Variants in TMPRSS4 observed in about 807,000 individuals in gnomAD.
TMPRSS4 encodes the protein transmembrane serine protease 4, also known as transmembrane protease serine 4.
In TMPRSS4, 45 loss-of-function variants were observed where a neutral mutation model predicts 56.4. That is an observed-to-expected ratio of 0.80 (90% confidence interval 0.63 to 1.02). The LOEUF is 1.02. TMPRSS4 is among the 50% of genes least tolerant of loss of function. The probability of loss-of-function intolerance (pLI) is 0.00; values close to 1 mark genes in which losing one functional copy is unlikely to be tolerated. For missense variants in TMPRSS4, 546 were observed against 556.7 expected, an observed-to-expected ratio of 0.98 and a Z score of 0.19; for synonymous variants, 205 against 211.0, an observed-to-expected ratio of 0.97 and a Z score of 0.25.
At chr11:118,093,311 G>GA (rs1016079054) in intron 1 of TMPRSS4, among the ~76,000 whole-genome samples, 9 of 152,312 alleles carry the variant, frequency 5.9e-5, no homozygotes, top group African/African-American at 1.9e-4. Context: ...AAGAGGAACA[G>GA]AAAAAATTTC....
At chr11:118,091,848 A>G (rs1455550467) in intron 1 of TMPRSS4, among the ~76,000 whole-genome samples, 2 of 152,148 alleles carry the variant, frequency 1.3e-5, no homozygotes, top group Admixed American at 1.3e-4. Context: ...AACAATGCAG[A>G]GTCGTCCGAT....
intron 1 of TMPRSS4, among the ~76,000 whole-genome samples, chr11:118,077,591 T>A (rs1944756387): frequency 6.6e-6 from 1 of 152,218 alleles, no homozygotes; most frequent in Non-Finnish European, 1.5e-5. Context: ...ATCCTGCATG[T>A]TCTTTTGCCC....
In TMPRSS4 at chr11:118,111,875, G is replaced by T. The variant is rs763839997; in HGVS notation, c.718G>T (p.Val240Phe). ...AGGGAGCATCCTGGACCCCCACTGG[G>T]TCCTCACGGCAGCCCACTGCTTCAG... is the stretch of plus-strand genomic sequence containing the variant. The part of the protein sequence containing the change: ...CGGSILDPHW[V>F]LTAAHCFRKH... The change falls in exon 8 of 13, where the codon GTC becomes TTC. Residue 240 changes from valine to phenylalanine, a missense_variant. Transcript: ENST00000437212. 6 of 1,608,970 alleles carry T rather than the reference G, an allele frequency of 3.7e-6. No homozygotes were observed. The highest frequency in any genetic ancestry group is 1.1e-5 in the South Asian group (1 of 90,052).
chr11:118,113,877 G>A (rs1056470571), intron 9 of TMPRSS4, among the ~76,000 whole-genome samples: 2 of 152,236 alleles, frequency 1.3e-5, no homozygotes, highest in South Asian at 4.1e-4. Context: ...CAGAGTCTTT[G>A]AACAGCTCTG....
rs1023016294 is a variant in TMPRSS4 at position 118,119,404 on chromosome 11, G to A, written c.*1491G>A. 3.1e-6 allele frequency: 3 copies of A among 964,050 alleles called. No individual in the cohort carries two copies. The highest frequency in any genetic ancestry group is 3.7e-6 in the Non-Finnish European group (3 of 810,634). The allele number at this position is 964,050 out of a possible 1,614,324, so 59.7% of individuals were successfully genotyped here. A position where few individuals can be genotyped will look rare whatever the true frequency, so the allele number is the denominator to read the frequency against. On this transcript the variant is annotated 3_prime_UTR_variant, in exon 13 of 13. Coordinates refer to ENST00000437212, the MANE Select transcript of TMPRSS4 (RefSeq NM_019894.4). Reference sequence around the variant, plus strand: ...AATTTAGAGCCTCAGGATTCCCAAAGATCCTCCAAATATGAGCTCACAATC... The same window carrying A: ...AATTTAGAGCCTCAGGATTCCCAAAAATCCTCCAAATATGAGCTCACAATC...
At position 118,113,328 on chromosome 11, in the gene TMPRSS4, T is replaced by G; in HGVS notation, c.803T>G (p.Phe268Cys). 1 of 1,614,088 alleles carries G rather than the reference T, an allele frequency of 6.2e-7. No homozygotes were observed. Among genetic ancestry groups the G allele is most frequent in the Non-Finnish European group, 8.5e-7 (1 of 1,180,004 alleles). ...GCAGGCTCAGACAAACTGGGCAGCT[T>G]CCCATCCCTGGCTGTGGCCAAGATC... ...VRAGSDKLGS[F>C]PSLAVAKIII... Residue 268 changes from phenylalanine (F) to cysteine (C), a missense_variant, in exon 9 of 13, where the codon TTC becomes TGC. Transcript: ENST00000437212.
chr11:118,094,744 G>A, intron 1 of TMPRSS4, 72 bp from the exon 2 acceptor site: 1 of 1,433,890 alleles, frequency 7.0e-7, no homozygotes, highest in Admixed American at 1.9e-5. Context: ...CAAGACCCAA[G>A]AACCTCCCGT....
intron 8 of TMPRSS4, among the ~76,000 whole-genome samples, 181 bp from the exon 9 acceptor site, chr11:118,113,088 A>G (rs1456061149): frequency 6.6e-6 from 1 of 151,674 alleles, no homozygotes; most frequent in East Asian, 1.9e-4. Flanking sequence ...CCCTTTTTCG[A>G]ATTTGACTTC....
Position 118,107,511 on chromosome 11 carries a change from T to C in TMPRSS4, c.441-263T>C. ...CCTAACATTTCTCCAGGGCTCTGGG[T>C]TCTGGATTTGGATTCCCCACCCAAG... On this transcript the variant is annotated intron_variant, in intron 5 of 12. Coordinates refer to ENST00000437212, the MANE Select transcript of TMPRSS4 (RefSeq NM_019894.4). 8.7e-6 allele frequency: 3 copies of C among 345,252 alleles called. No homozygotes were observed. In the South Asian group the frequency reaches 2.3e-4, roughly 27 times the overall value. 21.4% of individuals were successfully genotyped at this position (345,252 alleles called of 1,614,324 possible).
intron 11 of TMPRSS4, 77 bp from the exon 12 acceptor site, chr11:118,117,228 A>T (rs1239469251): frequency 2.8e-6 from 4 of 1,451,882 alleles, no homozygotes; most frequent in African/African-American, 1.4e-5. Flanking sequence ...CAGATAGGCC[A>T]GTTCAGGGAG....
chr11:118,115,786 G>A (rs2135462573), intron 11 of TMPRSS4, among the ~76,000 whole-genome samples: 1 of 152,274 alleles, frequency 6.6e-6, no homozygotes, highest in African/African-American at 2.4e-5. Flanking sequence ...TTGCGCCACT[G>A]CACTCCAGCC....
At chr11:118,081,190 GA>G (rs1209432318) in intron 1 of TMPRSS4, among the ~76,000 whole-genome samples, 2 of 152,182 alleles carry the variant, frequency 1.3e-5, no homozygotes, top group African/African-American at 4.8e-5. Context: ...ATCTGACACT[GA>G]AAACAAGGCT....
intron 5 of TMPRSS4, chr11:118,107,008 A>G (rs10790235): frequency 0.12 from 18,033 of 152,122 alleles, 1,800 homozygotes; most frequent in East Asian, 0.35. Context: ...AGTATTGCCA[A>G]TGACTCAGCC....
chr11:118,103,376 CTTTG>C (rs11272932), intron 4 of TMPRSS4, 123 bp downstream of exon 4: 2 of 983,910 alleles, frequency 2.0e-6, no homozygotes, highest in East Asian at 2.6e-5. Flanking sequence ...GTATAAGGTT[CTTTG>C]TTTGTTTGTT....
chr11:118,080,123 T>A lies in TMPRSS4; in HGVS notation c.3+2818T>A, dbSNP rs1202119700. Among the ~76,000 whole-genome samples the A allele has an allele frequency of 2.0e-5, 3 of 152,146 alleles. No individual in the cohort carries two copies. In the East Asian group the frequency reaches 5.8e-4, roughly 29 times the overall value. On this transcript the variant is annotated intron_variant, in intron 1 of 12. Coordinates refer to ENST00000437212, the MANE Select transcript of TMPRSS4 (RefSeq NM_019894.4). ...CAATACCTAGGTTTCACCCTGCAGG[T>A]GCTCAACACAGAGTGTGACAAGTAT...
At chr11:118,090,254 C>T (rs1484279634) in intron 1 of TMPRSS4, among the ~76,000 whole-genome samples, 1 of 152,174 alleles carries the variant, frequency 6.6e-6, no homozygotes, top group Non-Finnish European at 1.5e-5. Context: ...GCTGAGTCCT[C>T]AAACTGAGAT....
At position 118,118,800 on chromosome 11, in the gene TMPRSS4, G is replaced by A. The variant is rs1369970662; in HGVS notation, c.*887G>A. ...ACATTCAATCAGGGATCCACAAGTG[G>A]CTGGAAAGAAATGCTGGTCCTGTGT... On this transcript the variant is annotated 3_prime_UTR_variant, in exon 13 of 13. Transcript: ENST00000437212. The A allele has an allele frequency of 1.0e-6, 1 of 985,322 alleles. No homozygotes were observed. The highest frequency in any genetic ancestry group is 1.1e-4 in the East Asian group (1 of 8,832). The allele number at this position is 985,322 out of a possible 1,614,324, so 61.0% of individuals were successfully genotyped here. A position where few individuals can be genotyped will look rare whatever the true frequency, so the allele number is the denominator to read the frequency against.
chr11:118,095,671 G>A (rs191967422), intron 2 of TMPRSS4, among the ~76,000 whole-genome samples: 4 of 152,282 alleles, frequency 2.6e-5, no homozygotes, highest in Admixed American at 6.5e-5. Context: ...GAATTTGCTC[G>A]AGGACCAGGG....
At chr11:118,100,211 C>G (rs1183307792) in intron 3 of TMPRSS4, among the ~76,000 whole-genome samples, 1 of 152,206 alleles carries the variant, frequency 6.6e-6, no homozygotes, top group Admixed American at 6.5e-5. Flanking sequence ...TGAGATAACA[C>G]ATGTAAAGGA....
Sources: allele counts gnomAD v4.1 joint callset (sites outside exome capture counted in the v4.1 genomes callset), GRCh38; gene constraint gnomAD v4.1.1; transcripts MANE v1.5; gene names NCBI Gene and HGNC (gene_info 2026-07-23, HGNC 2026-07-21).